The following SFXN5 variants were observed in gnomAD, a reference collection of about 807,000 sequenced individuals.
The protein encoded by SFXN5 is sideroflexin-5.
Under a neutral mutation model 50.2 loss-of-function variants are expected in SFXN5, and 43 were observed. The observed-to-expected ratio is 0.86, with a 90% CI of 0.67 to 1.11. The LOEUF is 1.11. Ranked by LOEUF, SFXN5 falls within the 50% of genes least tolerant of loss-of-function variation. The probability of loss-of-function intolerance (pLI) is 0.00; values close to 1 mark genes in which losing one functional copy is unlikely to be tolerated. For missense variants in SFXN5, 463 were observed against 454.1 expected (o/e 1.02, Z -0.18); for synonymous variants, 203 against 185.8 (o/e 1.09, Z -0.75).
At chr2:73,066,392 T>C (rs1307324543) in intron 1 of SFXN5, among the ~76,000 whole-genome samples, 4 of 151,824 alleles carry the variant, frequency 2.6e-5, no homozygotes, top group African/African-American at 9.7e-5. Flanking sequence ...ACCCCATCTC[T>C]ACTAAAAATA....
At chr2:73,036,985 G>A (rs1448335633) in intron 3 of SFXN5, among the ~76,000 whole-genome samples, 2 of 152,208 alleles carry the variant, frequency 1.3e-5, no homozygotes, top group Non-Finnish European at 2.9e-5. Context: ...AGGCACTGCG[G>A]GTCTGTCACT....
chr2:72,964,725 A>G (rs1200218405), intron 12 of SFXN5, among the ~76,000 whole-genome samples: 1 of 152,198 alleles, frequency 6.6e-6, no homozygotes, highest in African/African-American at 2.4e-5. Context: ...TCTTCTCCCC[A>G]GGGACCCTCC....
intron 6 of SFXN5, among the ~76,000 whole-genome samples, chr2:73,009,367 CA>C (rs571972711): frequency 3.9e-5 from 6 of 152,294 alleles, no homozygotes; most frequent in Admixed American, 2.6e-4. Context: ...GGCAGTGGCC[CA>C]GGGGTGGGGA....
chr2:73,011,868 T>C (rs139705278), intron 6 of SFXN5, among the ~76,000 whole-genome samples: 68 of 152,340 alleles, frequency 4.5e-4, no homozygotes, highest in Middle Eastern at 6.8e-3. Flanking sequence ...ATGCAGCAAA[T>C]TCACTTTCTG....
At chr2:73,048,328 G>A (rs1031461702) in intron 2 of SFXN5, among the ~76,000 whole-genome samples, 8 of 152,142 alleles carry the variant, frequency 5.3e-5, no homozygotes, top group African/African-American at 1.9e-4. Context: ...AAATTCTTGT[G>A]CCTCAGCCTC....
intron 10 of SFXN5, among the ~76,000 whole-genome samples, chr2:72,986,895 G>A (rs1671987561): frequency 2.0e-5 from 3 of 152,176 alleles, no homozygotes; most frequent in Admixed American, 1.3e-4. Context: ...CAAGGCCTCT[G>A]AAACCTAGAG....
chr2:73,033,016 T>C (rs1347191072), intron 3 of SFXN5, among the ~76,000 whole-genome samples: 3 of 152,128 alleles, frequency 2.0e-5, no homozygotes, highest in Non-Finnish European at 4.4e-5. Flanking sequence ...CAGCAGCAGT[T>C]GCAACTTCCC....
intron 3 of SFXN5, among the ~76,000 whole-genome samples, chr2:73,025,702 C>A (rs1267052315): frequency 4.6e-5 from 7 of 152,078 alleles, no homozygotes; most frequent in African/African-American, 1.7e-4. Flanking sequence ...GGAAGGACAC[C>A]CCACATGCTC....
intron 2 of SFXN5, 34 bp downstream of exon 2, chr2:73,058,494 C>T: frequency 1.2e-6 from 2 of 1,602,440 alleles, no homozygotes; most frequent in South Asian, 1.1e-5. Flanking sequence ...GGTACAAAGG[C>T]CCAAGGGCCA....
intron 9 of SFXN5, among the ~76,000 whole-genome samples, chr2:72,996,188 G>A (rs1270519321): frequency 3.3e-5 from 5 of 152,196 alleles, no homozygotes; most frequent in African/African-American, 1.2e-4. Context: ...TGTGAGGAGG[G>A]AGAGTGCTAT....
intron 10 of SFXN5, among the ~76,000 whole-genome samples, chr2:72,979,583 G>A (rs748338094): frequency 5.3e-5 from 8 of 152,142 alleles, no homozygotes; most frequent in African/African-American, 1.2e-4. Context: ...GCAGTGAGCC[G>A]AGATCATGCC....
intron 3 of SFXN5, among the ~76,000 whole-genome samples, chr2:73,026,294 AT>A (rs759332481): frequency 6.5e-3 from 907 of 140,232 alleles, no homozygotes; most frequent in Admixed American, 6.7e-3. Flanking sequence ...TGCCTGGCTA[AT>A]TTTTTTTTTT....
intron 10 of SFXN5, among the ~76,000 whole-genome samples, chr2:72,986,215 G>A (rs1671904024): frequency 6.6e-6 from 1 of 152,226 alleles, no homozygotes; most frequent in South Asian, 2.1e-4. Context: ...AATTATCTGG[G>A]CTGGCTGAGG....
intron 13 of SFXN5, among the ~76,000 whole-genome samples, chr2:72,948,869 C>T (rs545978821): frequency 4.7e-4 from 72 of 152,316 alleles, no homozygotes; most frequent in Non-Finnish European, 9.3e-4. Flanking sequence ...GTCACCAACT[C>T]CAGACACCCA....
intron 13 of SFXN5, among the ~76,000 whole-genome samples, chr2:72,959,668 C>T (rs61596229): frequency 0.067 from 10,171 of 152,116 alleles, 908 homozygotes; most frequent in African/African-American, 0.2. Context: ...GGAGGGGTCT[C>T]CCCGTGCCAA....
chr2:73,013,662 A>C (rs1675814607), intron 6 of SFXN5, among the ~76,000 whole-genome samples: 4 of 152,052 alleles, frequency 2.6e-5, no homozygotes. Flanking sequence ...GATGTGAATA[A>C]TACCTCTCTC....
intron 2 of SFXN5, among the ~76,000 whole-genome samples, chr2:73,052,568 A>G (rs1369262043): frequency 7.2e-6 from 1 of 139,748 alleles, no homozygotes; most frequent in Admixed American, 6.9e-5. Context: ...TTGTGACACG[A>G]GTTCTAGTAT....
chr2:73,067,383 A>G (rs886142634), intron 1 of SFXN5, among the ~76,000 whole-genome samples: 1 of 152,200 alleles, frequency 6.6e-6, no homozygotes, highest in Non-Finnish European at 1.5e-5. Context: ...AGGAGACATT[A>G]GTGTAAAAAA....
chr2:72,964,152 C>T (rs1260271093), intron 12 of SFXN5, among the ~76,000 whole-genome samples: 5 of 152,222 alleles, frequency 3.3e-5, no homozygotes, highest in East Asian at 1.9e-4. Context: ...CAGCCATGGC[C>T]GCCACACCAC....
Sources: gnomAD v4.1 joint callset for allele counts (sites outside exome capture counted in the v4.1 genomes callset) on GRCh38, gnomAD v4.1.1 for gene constraint, MANE v1.5 for transcripts, NCBI Gene and HGNC (gene_info 2026-07-23, HGNC 2026-07-21) for gene names.